Variants in CLVS1 observed in about 807,000 individuals in gnomAD.
CLVS1 encodes the protein clavesin 1.
In CLVS1, 10 loss-of-function variants were observed where a neutral mutation model predicts 33.1. That is an observed-to-expected ratio of 0.30 (90% confidence interval 0.19 to 0.51). The LOEUF (loss-of-function observed/expected upper bound fraction) is 0.51. Ranked by LOEUF, CLVS1 falls within the 20% of genes least tolerant of loss-of-function variation. The pLI, the probability that CLVS1 is intolerant of heterozygous loss-of-function variation, is 0.97. For synonymous variants in CLVS1, 163 were observed against 166.1 expected, an observed-to-expected ratio of 0.98 and a Z score of 0.14; for missense variants, 343 against 433.4, an observed-to-expected ratio of 0.79 and a Z score of 1.85.
At chr8:61,398,587 A>G (rs1563535700) in intron 3 of CLVS1, among the ~76,000 whole-genome samples, 1 of 152,104 alleles carries the variant, frequency 6.6e-6, no homozygotes, top group African/African-American at 2.4e-5. Flanking sequence ...TGCAGGATGT[A>G]TAGACTTGTT....
At chr8:61,165,313 G>T in intron 2 of CLVS1, among the ~76,000 whole-genome samples, 1 of 152,208 alleles carries the variant, frequency 6.6e-6, no homozygotes, top group East Asian at 1.9e-4. Flanking sequence ...GACCAGAAGA[G>T]TGCAGTTGCA....
intron 1 of CLVS1, among the ~76,000 whole-genome samples, chr8:61,072,779 T>A (rs980875326): frequency 2.0e-5 from 3 of 152,202 alleles, no homozygotes; most frequent in African/African-American, 4.8e-5. Flanking sequence ...CCATGAACCA[T>A]AAGTATATGT....
At chr8:60,992,530 A>G in the CLVS1 span, among the ~76,000 whole-genome samples, 4 of 152,222 alleles carry the variant, frequency 2.6e-5, no homozygotes, top group African/African-American at 7.2e-5. Context: ...CCTCGAATCA[A>G]TGTAATGGAG....
chr8:61,272,661 A>C (rs951340878), intron 2 of CLVS1, among the ~76,000 whole-genome samples: 13 of 152,148 alleles, frequency 8.5e-5, no homozygotes, highest in Admixed American at 6.5e-4. Flanking sequence ...CTTTTCACGT[A>C]GTCCCATATT....
chr8:61,215,682 A>ATGTG (rs72193127), intron 2 of CLVS1, among the ~76,000 whole-genome samples: 22,040 of 143,348 alleles, frequency 0.15, 2,218 homozygotes, highest in Middle Eastern at 0.31. Context: ...GAAATTGAAA[A>ATGTG]TGTGTGTGTG....
chr8:61,067,059 G>A (rs1804696715), intron 1 of CLVS1, among the ~76,000 whole-genome samples: 1 of 152,210 alleles, frequency 6.6e-6, no homozygotes, highest in Admixed American at 6.5e-5. Flanking sequence ...AACCTTGAAA[G>A]GAATGGGTCA....
chr8:61,441,456 GT>G (rs1449471686), intron 3 of CLVS1, among the ~76,000 whole-genome samples: 8 of 152,114 alleles, frequency 5.3e-5, no homozygotes, highest in Admixed American at 5.2e-4. Context: ...TCTCATTTTA[GT>G]TTTCACATAA....
At chr8:61,010,951 C>T in the CLVS1 span, among the ~76,000 whole-genome samples, 1 of 152,214 alleles carries the variant, frequency 6.6e-6, no homozygotes, top group African/African-American at 2.4e-5. Context: ...GCCCGGCACA[C>T]GTTAGGCGGA....
the CLVS1 span, among the ~76,000 whole-genome samples, chr8:61,008,167 A>G: frequency 0.81 from 123,041 of 151,832 alleles, 49,968 homozygotes; most frequent in East Asian, 0.9. Flanking sequence ...AAACACAGTC[A>G]CTGTTTTGCC....
intron 3 of CLVS1, among the ~76,000 whole-genome samples, chr8:61,379,906 G>C (rs1286629112): frequency 3.3e-5 from 5 of 152,186 alleles, no homozygotes; most frequent in African/African-American, 1.2e-4. Flanking sequence ...CCTAGGAAAA[G>C]GTAGTAAACT....
chr8:61,317,312 G>A (rs1811048739), intron 2 of CLVS1, among the ~76,000 whole-genome samples: 1 of 152,168 alleles, frequency 6.6e-6, no homozygotes, highest in Non-Finnish European at 1.5e-5. Flanking sequence ...TGAGTCAAAT[G>A]CTGGGGGAAG....
intron 1 of CLVS1, among the ~76,000 whole-genome samples, chr8:61,077,489 T>C (rs1199225941): frequency 8.4e-6 from 1 of 119,578 alleles, no homozygotes; most frequent in East Asian, 2.4e-4. Flanking sequence ...ATTATTATTA[T>C]TATTGAGACG....
the CLVS1 span, among the ~76,000 whole-genome samples, chr8:60,994,951 G>C: frequency 2.0e-5 from 3 of 151,798 alleles, no homozygotes; most frequent in Non-Finnish European, 2.9e-5. Context: ...GGGAAAACTG[G>C]CTAGCCATAT....
At chr8:61,484,291 C>T (rs991616342) in intron 5 of CLVS1, among the ~76,000 whole-genome samples, 4 of 152,084 alleles carry the variant, frequency 2.6e-5, no homozygotes, top group Admixed American at 6.6e-5. Flanking sequence ...CATTCCTGTA[C>T]ACCAATAACA....
intron 2 of CLVS1, among the ~76,000 whole-genome samples, chr8:61,338,702 G>A (rs1016417631): frequency 2.0e-5 from 3 of 152,200 alleles, no homozygotes; most frequent in Non-Finnish European, 2.9e-5. Context: ...CCTTTCTGGT[G>A]TGGGAGCCAC....
At chr8:61,331,009 G>A (rs1275871461) in intron 2 of CLVS1, among the ~76,000 whole-genome samples, 1 of 152,048 alleles carries the variant, frequency 6.6e-6, no homozygotes, top group African/African-American at 2.4e-5. Flanking sequence ...TTGGGCCCAG[G>A]AGTTAGAGGC....
At chr8:61,498,334 G>A (rs1264942098) in intron 5 of CLVS1, among the ~76,000 whole-genome samples, 1 of 152,196 alleles carries the variant, frequency 6.6e-6, no homozygotes, top group East Asian at 1.9e-4. Context: ...ACTACTCTAA[G>A]GGCTCAGAGG....
intron 3 of CLVS1, among the ~76,000 whole-genome samples, chr8:61,382,619 G>C (rs778055891): frequency 6.6e-5 from 10 of 152,222 alleles, no homozygotes; most frequent in Non-Finnish European, 1.0e-4. Context: ...AGTAGAACGT[G>C]ATGGATATCA....
intron 3 of CLVS1, among the ~76,000 whole-genome samples, chr8:61,425,289 A>G (rs1281177587): frequency 2.6e-5 from 4 of 152,154 alleles, no homozygotes; most frequent in African/African-American, 9.7e-5. Context: ...CTATTCTAAG[A>G]TTATTGTTTT....
Sources: gnomAD v4.1 joint callset for allele counts (sites outside exome capture counted in the v4.1 genomes callset) on GRCh38, gnomAD v4.1.1 for gene constraint, MANE v1.5 for transcripts, NCBI Gene and HGNC (gene_info 2026-07-23, HGNC 2026-07-21) for gene names.